NCAM2: variants seen among roughly 807,000 people sequenced by gnomAD.
NCAM2 encodes neural cell adhesion molecule 2, also known as N-CAM-2.
NCAM2 carries 30 observed loss-of-function variants against 98.1 expected under a neutral mutation model. That is an observed-to-expected ratio of 0.31 (90% CI 0.23 to 0.41). The LOEUF (loss-of-function observed/expected upper bound fraction) is 0.41, where lower values mean the gene tolerates loss of function less well. NCAM2 is among the 10% of genes least tolerant of loss of function. The probability of loss-of-function intolerance (pLI) is 1.00; values close to 1 mark genes in which losing one functional copy is unlikely to be tolerated. For missense variants in NCAM2, 867 were observed against 1,005.8 expected, an observed-to-expected ratio of 0.86 and a Z score of 1.87; for synonymous variants, 368 against 342.4, an observed-to-expected ratio of 1.07 and a Z score of -0.83.
chr21:21,503,582 T>C (rs1987774435), intron 15 of NCAM2, among the ~76,000 whole-genome samples: 2 of 152,070 alleles, frequency 1.3e-5, no homozygotes, highest in Middle Eastern at 3.4e-3. Flanking sequence ...TGGACCACAG[T>C]TGACTATAGA....
intron 1 of NCAM2, among the ~76,000 whole-genome samples, chr21:21,190,961 A>G (rs1160107453): frequency 1.3e-5 from 2 of 152,192 alleles, no homozygotes; most frequent in Non-Finnish European, 2.9e-5. Flanking sequence ...GTTACTGACA[A>G]TGTTAGATCA....
chr21:21,070,070 A>G (rs1267671833), intron 1 of NCAM2, among the ~76,000 whole-genome samples: 1 of 152,134 alleles, frequency 6.6e-6, no homozygotes, highest in Non-Finnish European at 1.5e-5. Flanking sequence ...GTTTCAACCT[A>G]CAAAATAAAT....
intron 15 of NCAM2, among the ~76,000 whole-genome samples, chr21:21,508,478 T>C (rs1032151520): frequency 6.6e-6 from 1 of 152,190 alleles, no homozygotes; most frequent in African/African-American, 2.4e-5. Flanking sequence ...TTAATGGGTG[T>C]CATTTTCTGA....
At chr21:21,168,580 A>T (rs954767106) in intron 1 of NCAM2, among the ~76,000 whole-genome samples, 2 of 152,198 alleles carry the variant, frequency 1.3e-5, no homozygotes, top group African/African-American at 4.8e-5. Flanking sequence ...AAAGCTTTCT[A>T]GAATTAATAA....
intron 1 of NCAM2, among the ~76,000 whole-genome samples, chr21:21,110,058 A>C (rs1482261956): frequency 6.6e-6 from 1 of 152,204 alleles, no homozygotes; most frequent in African/African-American, 2.4e-5. Context: ...CCATTCCATG[A>C]AGGGGCCAGT....
intron 1 of NCAM2, among the ~76,000 whole-genome samples, chr21:21,012,065 G>A (rs913455789): frequency 1.1e-4 from 16 of 152,098 alleles, no homozygotes; most frequent in African/African-American, 3.6e-4. Context: ...ATAGTATGGA[G>A]GTTCCATAAA....
chr21:21,525,668 C>T (rs935547615), intron 16 of NCAM2, among the ~76,000 whole-genome samples: 2 of 151,994 alleles, frequency 1.3e-5, no homozygotes, highest in Non-Finnish European at 2.9e-5. Context: ...TCTATGAAGC[C>T]AGCATTACTG....
At chr21:21,220,775 G>T (rs1411075323) in intron 1 of NCAM2, among the ~76,000 whole-genome samples, 2 of 152,084 alleles carry the variant, frequency 1.3e-5, no homozygotes, top group Non-Finnish European at 2.9e-5. Context: ...CTGGGGTGGG[G>T]CCTTAGATTC....
chr21:21,479,488 A>G lies in NCAM2; in HGVS notation c.2077+2017A>G, dbSNP rs143797156. On this transcript the variant is annotated intron_variant, in intron 15 of 17. Coordinates refer to ENST00000400546, the MANE Select transcript of NCAM2 (RefSeq NM_004540.5). Reference sequence around the variant, plus strand: ...AGTCCCAGCTACTCTAGAGGTTGAGACAGGAGAATGGAGTGGACCCGGGAG... The same window carrying G: ...AGTCCCAGCTACTCTAGAGGTTGAGGCAGGAGAATGGAGTGGACCCGGGAG... Among the ~76,000 whole-genome samples the G allele has an allele frequency of 4.1e-3, 624 of 150,464 alleles. 6 individuals carry two copies. Among genetic ancestry groups the G allele is most frequent in the African/African-American group, 0.014 (587 of 41,066 alleles).
intron 1 of NCAM2, among the ~76,000 whole-genome samples, chr21:21,160,538 A>G (rs1444857103): frequency 6.6e-6 from 1 of 152,024 alleles, no homozygotes; most frequent in East Asian, 1.9e-4. Flanking sequence ...AAAGCTTAAA[A>G]TTAATTTAAC....
chr21:21,146,412 TAAA>T (rs2067274520), intron 1 of NCAM2, among the ~76,000 whole-genome samples: 1 of 151,558 alleles, frequency 6.6e-6, no homozygotes, highest in African/African-American at 2.4e-5. Flanking sequence ...CAGTGATACT[TAAA>T]TAATCTATAG....
At chr21:21,393,278 G>C (rs1013921444) in intron 9 of NCAM2, among the ~76,000 whole-genome samples, 1 of 152,100 alleles carries the variant, frequency 6.6e-6, no homozygotes, top group African/African-American at 2.4e-5. Flanking sequence ...TTATTTCTGA[G>C]TTCCCAATTC....
chr21:21,517,826 A>C (rs996850259), intron 16 of NCAM2, among the ~76,000 whole-genome samples: 4 of 152,196 alleles, frequency 2.6e-5, no homozygotes, highest in Non-Finnish European at 5.9e-5. Flanking sequence ...TGGGCTACAG[A>C]GCAAGGCTCC....
In NCAM2 at chr21:21,032,234, A is replaced by G. The variant is rs149221688; in HGVS notation, c.55+33616A>G. Among the ~76,000 whole-genome samples, 969 of 152,168 alleles carry G rather than the reference A, an allele frequency of 6.4e-3. 5 individuals carry two copies. The highest frequency in any genetic ancestry group is 0.041 in the Middle Eastern group (12 of 294). On this transcript the variant is annotated intron_variant, in intron 1 of 17. Coordinates refer to ENST00000400546, the MANE Select transcript of NCAM2 (RefSeq NM_004540.5). Reference sequence around the variant, plus strand: ...CTTTAGCTGGTGGTGGCATGCAATAACCAGTGATTATGAAAATGGAAATAA... The same window carrying G: ...CTTTAGCTGGTGGTGGCATGCAATAGCCAGTGATTATGAAAATGGAAATAA...
intron 9 of NCAM2, among the ~76,000 whole-genome samples, chr21:21,395,599 C>T (rs1470158611): frequency 6.6e-6 from 1 of 152,086 alleles, no homozygotes; most frequent in Non-Finnish European, 1.5e-5. Flanking sequence ...CTGGAGGCAA[C>T]ACATTACCCA....
chr21:21,260,002 TA>T (rs986998145), intron 1 of NCAM2, among the ~76,000 whole-genome samples: 1 of 143,498 alleles, frequency 7.0e-6, no homozygotes, highest in South Asian at 2.3e-4. Context: ...ATAGCTATAT[TA>T]AAAAAATAGA....
intron 6 of NCAM2, among the ~76,000 whole-genome samples, chr21:21,333,062 T>A (rs2074760132): frequency 6.6e-6 from 1 of 152,210 alleles, no homozygotes; most frequent in African/African-American, 2.4e-5. Context: ...ATGGGCTTAA[T>A]GCATGTGTCA....
At chr21:21,146,399 C>T (rs2067274027) in intron 1 of NCAM2, among the ~76,000 whole-genome samples, 1 of 151,242 alleles carries the variant, frequency 6.6e-6, no homozygotes, top group African/African-American at 2.4e-5. Flanking sequence ...TTTAGGTCTT[C>T]TACAGTGATA....
intron 8 of NCAM2, among the ~76,000 whole-genome samples, chr21:21,345,802 A>G (rs1195205113): frequency 6.6e-6 from 1 of 152,166 alleles, no homozygotes; most frequent in African/African-American, 2.4e-5. Flanking sequence ...AAGGTACTAC[A>G]TCAAGGGCTT....
Sources: allele counts gnomAD v4.1 joint callset (sites outside exome capture counted in the v4.1 genomes callset), GRCh38; gene constraint gnomAD v4.1.1; transcripts MANE v1.5; gene names NCBI Gene and HGNC (gene_info 2026-07-23, HGNC 2026-07-21).